Variants in PRC1 observed in about 807,000 individuals in gnomAD.
PRC1 encodes anaphase spindle elongation 1 homolog.
In PRC1, 54 loss-of-function variants were observed where a neutral mutation model predicts 91.2. The ratio of observed to expected loss-of-function variants is 0.59; its 90% CI spans 0.48 to 0.74. PRC1 has a LOEUF of 0.74. Ranked by LOEUF, PRC1 falls within the 30% of genes least tolerant of loss-of-function variation. The pLI is 0.00. For synonymous variants in PRC1, 275 were observed against 263.6 expected (o/e 1.04, Z -0.42); for missense variants, 727 against 746.2 (o/e 0.97, Z 0.30).
chr15:90,968,987 T>C, intron 14 of PRC1, 92 bp downstream of exon 14: 2 of 1,597,136 alleles, frequency 1.3e-6, no homozygotes, highest in African/African-American at 2.7e-5. Flanking sequence ...CTGCTGAGAT[T>C]ATTAGTTAGT....
At chr15:90,968,852 G>T in intron 14 of PRC1, 1 of 1,353,932 alleles carries the variant, frequency 7.4e-7, no homozygotes, top group Non-Finnish European at 9.6e-7. Context: ...TTAAAACTGT[G>T]CCTGACTTTA....
intron 6 of PRC1, chr15:90,980,664 C>A (rs1191653802): frequency 1.4e-6 from 1 of 694,718 alleles, no homozygotes; most frequent in East Asian, 2.8e-5. Context: ...GGATTACAGG[C>A]GCACGCCACT....
chr15:90,972,595 C>T (rs944935666), intron 11 of PRC1, among the ~76,000 whole-genome samples: 2 of 151,740 alleles, frequency 1.3e-5, no homozygotes, highest in African/African-American at 2.4e-5. Context: ...CAATATTAGC[C>T]GGGTGTGGTG....
rs753274625 is a variant in PRC1 at position 90,981,515 on chromosome 15, T to C, written c.656A>G (p.Gln219Arg). 1.2e-6 allele frequency: 2 copies of C among 1,613,940 alleles called. No homozygotes were observed. The highest frequency in any genetic ancestry group is 2.2e-5 in the South Asian group (2 of 91,090). ...AGACAGTACCTGCCGTAGCAACTTT[T>C]GTAGTGTTGCAATATTCTCCAAAGA... ...CLSLENIATL[Q>R]KLLRQLEMQK... The change falls in exon 5 of 15, where the codon CAA (glutamine) becomes CGA (arginine). Residue 219 changes from glutamine to arginine, a missense_variant. By Grantham distance (43) the Gln-to-Arg change is conservative. Coordinates refer to ENST00000394249, the MANE Select transcript of PRC1 (RefSeq NM_003981.4).
chr15:90,971,436 CCA>C (rs2038117467), intron 11 of PRC1, among the ~76,000 whole-genome samples: 1 of 152,118 alleles, frequency 6.6e-6, no homozygotes. Context: ...CAGGCGTGTG[CCA>C]CCACAACCAG....
Position 90,981,025 on chromosome 15 carries a change from C to T in PRC1, c.681G>A (p.Met227Ile). ...ACACTGCTTCATTTTGTGATTTCTG[C>T]ATTTCCAGCTACAGCATAGAAAGCC... ...TLQKLLRQLE[M>I]QKSQNEAVCE... is the part of the protein sequence containing the mutation. Residue 227 changes from methionine to isoleucine, a missense_variant, in exon 6 of 15, where the codon ATG (methionine) becomes ATA (isoleucine). By Grantham distance (10) the Met-to-Ile change is conservative. Transcript: ENST00000394249. 1 of 1,614,136 alleles carries T rather than the reference C, an allele frequency of 6.2e-7. No homozygotes were observed. The highest frequency in any genetic ancestry group is 2.2e-5 in the East Asian group (1 of 44,886).
At chr15:90,992,026 A>G (rs2040009842) in intron 1 of PRC1, among the ~76,000 whole-genome samples, 1 of 152,166 alleles carries the variant, frequency 6.6e-6, no homozygotes, top group Admixed American at 6.5e-5. Context: ...TCTTTCTGGA[A>G]CATACCAGGC....
chr15:90,980,182 G>C, intron 7 of PRC1, 60 bp downstream of exon 7: 1 of 1,484,020 alleles, frequency 6.7e-7, no homozygotes, highest in East Asian at 2.4e-5. Context: ...GACTAGGCTG[G>C]GCAACAGAGT....
chr15:90,970,448 C>G lies in PRC1; in HGVS notation c.1528G>C (p.Val510Leu), dbSNP rs1274601312. 2.2e-5 allele frequency: 35 copies of G among 1,613,674 alleles called. No individual in the cohort carries two copies. Among genetic ancestry groups the G allele is most frequent in the Non-Finnish European group, 2.8e-5 (33 of 1,179,724 alleles). ...SSIRPIFGGT[V>L]YHSPVSRLPP... The stretch of plus-strand genomic sequence containing the variant: ...AGTCGAGACACGGGGGAGTGGTAGA[C>G]TGTCCCTCCAAAGATAGGCCGAATG... The change falls in exon 12 of 15, where the codon GTC becomes CTC. Residue 510 changes from valine (V) to leucine (L), a missense_variant. Coordinates refer to ENST00000394249, the MANE Select transcript of PRC1 (RefSeq NM_003981.4).
chr15:90,985,069 A>C (rs7172262), intron 1 of PRC1, among the ~76,000 whole-genome samples: 5,671 of 152,294 alleles, frequency 0.037, 344 homozygotes, highest in African/African-American at 0.13. Context: ...GACTTTCAAC[A>C]ATGATCTACC....
At position 90,974,746 on chromosome 15, in the gene PRC1, A is replaced by G; in HGVS notation, c.1204-15T>C. ...TCTTCTTCCAGCTGAGACCAGAAACAAGGACATGTTAATTACTTCAACTCT... is the reference window on the plus strand; with the variant it reads ...TCTTCTTCCAGCTGAGACCAGAAACGAGGACATGTTAATTACTTCAACTCT... On this transcript the variant is annotated splice_polypyrimidine_tract_variant and intron_variant, in intron 9 of 14. Coordinates refer to ENST00000394249, the MANE Select transcript of PRC1 (RefSeq NM_003981.4). The surrounding 1 kb of genome is among the most constrained non-coding windows in gnomAD (Gnocchi z 4.6). 4 of 1,614,150 alleles carry G rather than the reference A, an allele frequency of 2.5e-6. No homozygotes were observed. Among genetic ancestry groups the G allele is most frequent in the Non-Finnish European group, 3.4e-6 (4 of 1,179,980 alleles).
intron 1 of PRC1, among the ~76,000 whole-genome samples, chr15:90,990,203 G>A (rs1193262892): frequency 2.6e-5 from 4 of 151,820 alleles, no homozygotes; most frequent in Non-Finnish European, 4.4e-5. Context: ...GGGTGTGGTG[G>A]TGGGCACCTG....
intron 3 of PRC1, 45 bp from the exon 4 acceptor site, chr15:90,982,026 C>T: frequency 2.6e-6 from 4 of 1,552,478 alleles, no homozygotes; most frequent in Non-Finnish European, 3.5e-6. Context: ...CAAGTGAATT[C>T]CTTCAGAGGA....
At chr15:90,988,925 G>C (rs765230748) in intron 1 of PRC1, among the ~76,000 whole-genome samples, 5 of 152,040 alleles carry the variant, frequency 3.3e-5, no homozygotes, top group Non-Finnish European at 5.9e-5. Flanking sequence ...TTACAAGCAG[G>C]GCTGCCTATC....
At chr15:90,982,924 G>GA (rs141165251) in intron 3 of PRC1, among the ~76,000 whole-genome samples, 4,190 of 146,062 alleles carry the variant, frequency 0.029, 182 homozygotes, top group African/African-American at 0.099. Context: ...TGGTTAACAA[G>GA]AAAAAAAAAA....
chr15:90,969,350 G>T, intron 13 of PRC1, 97 bp downstream of exon 13: 2 of 1,429,428 alleles, frequency 1.4e-6, no homozygotes, highest in South Asian at 1.3e-5. Flanking sequence ...CAAGGTAGCT[G>T]CCCTAGCTAA....
At chr15:90,980,512 CTTTTTTTTTTTT>C (rs35250469) in intron 6 of PRC1, 123 bp from the exon 7 acceptor site, 2 of 491,332 alleles carry the variant, frequency 4.1e-6, no homozygotes, top group Non-Finnish European at 6.3e-6. Flanking sequence ...TAAATCAACA[CTTTTTTTTTTTT>C]TTTTTTTTTT....
Position 90,978,967 on chromosome 15 carries a change from T to C in PRC1, c.1107+191A>G, listed in dbSNP as rs112447060. ...AGAAATGCCTACCTTATTTAAGCCA[T>C]TAATTTTGGGCTTTTCTCTTAAAAG... On this transcript the variant is annotated intron_variant, in intron 8 of 14. Coordinates refer to ENST00000394249, the MANE Select transcript of PRC1 (RefSeq NM_003981.4). Among the ~76,000 whole-genome samples the C allele has an allele frequency of 4.7e-4, 72 of 152,178 alleles. 1 individual carries two copies. Among genetic ancestry groups the C allele is most frequent in the African/African-American group, 1.6e-3 (65 of 41,516 alleles).
rs1236531633 is a variant in PRC1, at chr15:90,974,605, C to T, written c.1330G>A (p.Glu444Lys). ...CTTACTCTTTCCTGCTTGGCTCTCTCTTTCTCCAATCGATGCATCTCCCAT... is the reference window on the plus strand; with the variant it reads ...CTTACTCTTTCCTGCTTGGCTCTCTTTTTCTCCAATCGATGCATCTCCCAT... ...EQWEMHRLEK[E>K]RAKQERQLKN... The change falls in exon 10 of 15, where the codon GAG (glutamate) becomes AAG (lysine). Residue 444 changes from glutamate to lysine, a missense_variant. Coordinates refer to ENST00000394249, the MANE Select transcript of PRC1 (RefSeq NM_003981.4). The surrounding 1 kb of genome is among the most constrained non-coding windows in gnomAD (Gnocchi z 4.6). 2 of 1,614,214 alleles carry T rather than the reference C, an allele frequency of 1.2e-6. No homozygotes were observed. Among genetic ancestry groups the T allele is most frequent in the Admixed American group, 1.7e-5 (1 of 60,028 alleles).
Sources: allele counts gnomAD v4.1 joint callset (sites outside exome capture counted in the v4.1 genomes callset), GRCh38; gene constraint gnomAD v4.1.1; non-coding constraint Gnocchi (gnomAD v3.1); transcripts MANE v1.5; gene names NCBI Gene and HGNC (gene_info 2026-07-23, HGNC 2026-07-21).